The following RIMBP2 variants were observed in gnomAD, a reference collection of about 807,000 sequenced individuals.
The protein encoded by RIMBP2 is RIMS binding protein 2, also known as RIMS-binding protein 2.
A neutral mutation model predicts 118.6 loss-of-function variants in RIMBP2; 48 were observed. The ratio of observed to expected loss-of-function variants is 0.40; its 90% CI spans 0.32 to 0.51. The LOEUF (loss-of-function observed/expected upper bound fraction) is 0.51. RIMBP2 is among the 20% of genes least tolerant of loss of function. RIMBP2 has a pLI of 0.41. For missense variants in RIMBP2, 1,551 were observed against 1,768.3 expected, an observed-to-expected ratio of 0.88 and a Z score of 2.20; for synonymous variants, 762 against 742.9, an observed-to-expected ratio of 1.03 and a Z score of -0.42.
chr12:130,603,299 A>G (rs2140455685), intron 2 of RIMBP2, among the ~76,000 whole-genome samples: 1 of 152,328 alleles, frequency 6.6e-6, no homozygotes, highest in East Asian at 1.9e-4. Flanking sequence ...CCCAGCTGCT[A>G]GAAGCACTGG....
rs7297066 is a variant in RIMBP2, at chr12:130,474,256, C to T, written c.103-3513G>A. The stretch of plus-strand genomic sequence containing the variant: ...TGGTGCCTCCGCCCCGCAGGTTACA[C>T]GAGGGCTGACTATTCATTGATTCCC... On this transcript the variant is annotated intron_variant, in intron 5 of 22. Transcript: ENST00000690449. Among the ~76,000 whole-genome samples the T allele has an allele frequency of 5.8e-3, 883 of 152,250 alleles. 16 individuals are homozygous for T. The highest frequency in any genetic ancestry group is 0.021 in the African/African-American group (855 of 41,540).
intron 4 of RIMBP2, among the ~76,000 whole-genome samples, chr12:130,501,914 C>T (rs1211735823): frequency 6.6e-6 from 1 of 152,244 alleles, no homozygotes; most frequent in African/African-American, 2.4e-5. Context: ...TTCTTGGCTC[C>T]TCATAGCTGG....
intron 2 of RIMBP2, among the ~76,000 whole-genome samples, chr12:130,535,387 C>A (rs375422053): frequency 1.4e-4 from 21 of 152,046 alleles, no homozygotes; most frequent in African/African-American, 4.6e-4. Context: ...TGGTGGCACA[C>A]ATCTGCAGTC....
Position 130,424,022 on chromosome 12 carries a change from C to T in RIMBP2, c.3129+120G>A, listed in dbSNP as rs150011307. 5.6e-5 allele frequency: 28 copies of T among 502,570 alleles called. No individual in the cohort carries two copies. Among genetic ancestry groups the T allele is most frequent in the African/African-American group, 9.9e-5 (5 of 50,470 alleles). The allele number at this position is 502,570 out of a possible 1,614,324, so 31.1% of individuals were successfully genotyped here. A position where few individuals can be genotyped will look rare whatever the true frequency, so the allele number is the denominator to read the frequency against. ...TGAGAAATCAAAAATGCAGGGAAAA[C>T]GAAAGACAGCCAGCAAGAGAGTCCC... On this transcript the variant is annotated intron_variant, in intron 16 of 22. Transcript: ENST00000690449. The surrounding 1 kb of genome is among the most constrained non-coding windows in gnomAD (Gnocchi z 9.8).
Position 130,442,493 on chromosome 12 carries a change from G to T in RIMBP2, c.859C>A (p.Pro287Thr). ...GTGATGCCCGCATCTATGTGGGTTG[G>T]GGAGTGGAGGTCCAGGATGTGCTCT... ...EGEHILDLHS[P>T]THIDAGITDN... The change falls in exon 11 of 23, where the codon CCA becomes ACA. Residue 287 changes from proline to threonine, a missense_variant. Physicochemically the swap from Pro to Thr is conservative, Grantham distance 38. This residue lies in a region of RIMBP2 where 265 missense variants were observed against 349.5 expected (regional missense o/e 0.76). Transcript: ENST00000690449. This position sits in a 1 kb window ranked among gnomAD's most constrained non-coding sequence, Gnocchi z 6.9. 1 of 1,614,182 alleles carries T rather than the reference G, an allele frequency of 6.2e-7. No individual in the cohort carries two copies.
Position 130,621,225 on chromosome 12 carries a change from A to G in RIMBP2, c.-217+7097T>C, listed in dbSNP as rs948519078. Among the ~76,000 whole-genome samples, 1 of 151,774 alleles carries G rather than the reference A, an allele frequency of 6.6e-6. No individual in the cohort carries two copies. The highest frequency in any genetic ancestry group is 1.5e-5 in the Non-Finnish European group (1 of 67,958). ...TGAAAGGTGAGGGTTAGGGTGATGG[A>G]CTCCAGGTGGATCCTCCCCATGAGA... On this transcript the variant is annotated intron_variant, in intron 2 of 22. Transcript: ENST00000690449. This position sits in a 1 kb window ranked among gnomAD's most constrained non-coding sequence, Gnocchi z 6.6.
chr12:130,576,749 G>A lies in RIMBP2; in HGVS notation c.-217+51573C>T, dbSNP rs1238385107. Among the ~76,000 whole-genome samples the A allele has an allele frequency of 3.9e-5, 6 of 152,314 alleles. No individual in the cohort carries two copies. The East Asian group carries it at 1.2e-3, about 29-fold the overall frequency. On this transcript the variant is annotated intron_variant, in intron 2 of 22. Coordinates refer to ENST00000690449, the MANE Select transcript of RIMBP2 (RefSeq NM_001393629.1). The surrounding 1 kb of genome is among the most constrained non-coding windows in gnomAD (Gnocchi z 4.2). ...GCCGAGCGCCGAGAGGCATATGTGC[G>A]CACCACATGCCACAAACACAAGCTC... is the stretch of plus-strand genomic sequence containing the variant.
intron 1 of RIMBP2, among the ~76,000 whole-genome samples, chr12:130,697,266 A>G (rs1475636315): frequency 1.3e-5 from 2 of 152,242 alleles, no homozygotes; most frequent in Non-Finnish European, 2.9e-5. Flanking sequence ...TCATGCCTGT[A>G]ATCCCAGTGC....
rs2077116419 is a variant in RIMBP2 at position 130,431,015 on chromosome 12, T to C, written c.2254-2678A>G. 6.6e-6 allele frequency among the ~76,000 whole-genome samples: 1 copy of C among 152,204 alleles called. No homozygotes were observed. Among genetic ancestry groups the C allele is most frequent in the African/African-American group, 2.4e-5 (1 of 41,454 alleles). ...ACATAGACAATCTTTGTCAATGAAA[T>C]ACTTTTAAAAATAGATAACTAAAGA... On this transcript the variant is annotated intron_variant, in intron 14 of 22. Coordinates refer to ENST00000690449, the MANE Select transcript of RIMBP2 (RefSeq NM_001393629.1). This position sits in a 1 kb window ranked among gnomAD's most constrained non-coding sequence, Gnocchi z 4.0.
Position 130,481,926 on chromosome 12 carries a change from C to T in RIMBP2, c.-3-2910G>A, listed in dbSNP as rs530158798. Among the ~76,000 whole-genome samples, 10 of 137,188 alleles carry T rather than the reference C, an allele frequency of 7.3e-5. No homozygotes were observed. The South Asian group carries it at 1.6e-3, about 22-fold the overall frequency. The allele number at this position is 137,188 out of a possible 152,430, so 90.0% of individuals were successfully genotyped here. ...AAGAGCCTCAGTTTCCCCCCGACCC[C>T]CCAAGCCGCCACCACCACCACCACC... On this transcript the variant is annotated intron_variant, in intron 4 of 22. Transcript: ENST00000690449.
In RIMBP2 at chr12:130,531,517, G is replaced by A. The variant is rs1030791133; in HGVS notation, c.-216-13600C>T. On this transcript the variant is annotated intron_variant, in intron 2 of 22. Transcript: ENST00000690449. ...TGAAATAGCAGCCCTTCATTACTGTGTAGTATCCTCTTGTATAAATAATCT... is the reference window on the plus strand; with the variant it reads ...TGAAATAGCAGCCCTTCATTACTGTATAGTATCCTCTTGTATAAATAATCT... Among the ~76,000 whole-genome samples, 8 of 152,168 alleles carry A rather than the reference G, an allele frequency of 5.3e-5. No individual in the cohort carries two copies. The East Asian group carries it at 1.5e-3, about 29-fold the overall frequency.
chr12:130,665,438 T>C (rs544122684), intron 1 of RIMBP2, among the ~76,000 whole-genome samples: 1 of 151,328 alleles, frequency 6.6e-6, no homozygotes, highest in South Asian at 2.1e-4. Context: ...GGCAGGAGAA[T>C]CACTCGAACC....
At chr12:130,452,167 T>C (rs1262937722) in intron 7 of RIMBP2, among the ~76,000 whole-genome samples, 2 of 152,192 alleles carry the variant, frequency 1.3e-5, no homozygotes, top group East Asian at 3.9e-4. Flanking sequence ...CTGGGAATGA[T>C]GACACCCCCT....
intron 5 of RIMBP2, chr12:130,472,223 T>C (rs2137912485): frequency 6.6e-6 from 1 of 152,344 alleles, no homozygotes; most frequent in South Asian, 2.1e-4. Flanking sequence ...ACAAAAACAA[T>C]TTCCTGTTTG....
Position 130,428,294 on chromosome 12 carries a change from C to T in RIMBP2, c.2297G>A (p.Arg766Gln), listed in dbSNP as rs774537172. 22 of 1,612,654 alleles carry T rather than the reference C, an allele frequency of 1.4e-5. No homozygotes were observed. The highest frequency in any genetic ancestry group is 6.7e-5 in the East Asian group (3 of 44,782). ...HGDEYHTESS[R>Q]GSDLSDIMEE... Reference sequence around the variant, plus strand: ...CATGATGTCTGAGAGGTCAGACCCCCGGCTGCTCTCTGTGTGGTACTCGTC... The same window carrying T: ...CATGATGTCTGAGAGGTCAGACCCCTGGCTGCTCTCTGTGTGGTACTCGTC... The change falls in exon 15 of 23, where the codon CGG becomes CAG. Residue 766 changes from arginine (R) to glutamine (Q), a missense_variant. By Grantham distance (43) the Arg-to-Gln change is conservative. Coordinates refer to ENST00000690449, the MANE Select transcript of RIMBP2 (RefSeq NM_001393629.1).
chr12:130,488,427 G>C (rs1018578059), intron 4 of RIMBP2, among the ~76,000 whole-genome samples: 1 of 151,988 alleles, frequency 6.6e-6, no homozygotes, highest in Non-Finnish European at 1.5e-5. Flanking sequence ...TCAGGGGGTG[G>C]TGGGGGCCGT....
At position 130,623,807 on chromosome 12, in the gene RIMBP2, A is replaced by T. The variant is rs936305055; in HGVS notation, c.-217+4515T>A. On this transcript the variant is annotated intron_variant, in intron 2 of 22. Transcript: ENST00000690449. The surrounding 1 kb of genome is among the most constrained non-coding windows in gnomAD (Gnocchi z 4.1). ...TCAGCCAAGTGAAGAGTGCTGGTGG[A>T]TAAATACCCCAGCTCCCTCATCCCT... Among the ~76,000 whole-genome samples, 1 of 152,172 alleles carries T rather than the reference A, an allele frequency of 6.6e-6. No individual in the cohort carries two copies. Among genetic ancestry groups the T allele is most frequent in the East Asian group, 1.9e-4 (1 of 5,182 alleles).
intron 1 of RIMBP2, among the ~76,000 whole-genome samples, chr12:130,639,953 T>G (rs1358126488): frequency 6.6e-6 from 1 of 152,208 alleles, no homozygotes; most frequent in Non-Finnish European, 1.5e-5. Flanking sequence ...TCCTGACATA[T>G]GAGGGAGCCC....
At chr12:130,484,333 C>G (rs186013593) in intron 4 of RIMBP2, among the ~76,000 whole-genome samples, 4 of 152,226 alleles carry the variant, frequency 2.6e-5, no homozygotes, top group Non-Finnish European at 5.9e-5. Flanking sequence ...GACCAGTGCC[C>G]GCCTCTGGAC....
Sources: allele counts gnomAD v4.1 joint callset (sites outside exome capture counted in the v4.1 genomes callset), GRCh38; gene constraint gnomAD v4.1.1; regional missense constraint gnomAD v4.1.1; non-coding constraint Gnocchi (gnomAD v3.1); transcripts MANE v1.5; gene names NCBI Gene and HGNC (gene_info 2026-07-23, HGNC 2026-07-21).